ETFA: variants seen among roughly 807,000 people sequenced by gnomAD.
ETFA encodes the protein electron transfer flavoprotein subunit alpha, mitochondrial.
In ETFA, 22 loss-of-function variants were observed where a neutral mutation model predicts 46.2. The observed-to-expected ratio is 0.48, with a 90% CI of 0.34 to 0.68. The LOEUF (loss-of-function observed/expected upper bound fraction) is 0.68, where lower values mean the gene tolerates loss of function less well. Among genes scored for constraint, ETFA ranks in the 30% least tolerant of loss-of-function variants. The pLI is 0.01. For synonymous variants in ETFA, 131 were observed against 139.9 expected (o/e 0.94, Z 0.45); for missense variants, 345 against 401.1 (o/e 0.86, Z 1.19).
At chr15:76,234,549 G>C (rs538370915) in intron 9 of ETFA, among the ~76,000 whole-genome samples, 1 of 152,262 alleles carries the variant, frequency 6.6e-6, no homozygotes. Flanking sequence ...AGCAATTAAG[G>C]GTTATACAAG....
intron 4 of ETFA, among the ~76,000 whole-genome samples, chr15:76,288,638 G>T (rs771422463): frequency 6.6e-6 from 1 of 151,714 alleles, no homozygotes; most frequent in African/African-American, 2.4e-5. Context: ...CTTGAACCTG[G>T]GAGGCGGAGG....
At chr15:76,235,283 T>C (rs1234610038) in intron 9 of ETFA, among the ~76,000 whole-genome samples, 1 of 152,158 alleles carries the variant, frequency 6.6e-6, no homozygotes, top group South Asian at 2.1e-4. Flanking sequence ...CCAGGTGGGC[T>C]CCTGAGGTAG....
In ETFA at chr15:76,283,775, C is replaced by T. The variant is rs201417241; in HGVS notation, c.715G>A (p.Asp239Asn). The stretch of plus-strand genomic sequence containing the variant: ...ACTTTACCTGCAGCATGTAGTTGAT[C>T]TGCCAAGTCATATAACAACTTAAAG... ...ENFKLLYDLA[D>N]QLHAAVGASR... is the part of the protein sequence containing the mutation. The change falls in exon 8 of 12, where the codon GAT (aspartate) becomes AAT (asparagine). Residue 239 changes from aspartate (D) to asparagine (N), a missense_variant. By Grantham distance (23) the Asp-to-Asn change is conservative. Coordinates refer to ENST00000557943, the MANE Select transcript of ETFA (RefSeq NM_000126.4). 7.5e-6 allele frequency: 12 copies of T among 1,608,618 alleles called. No homozygotes were observed. The South Asian group carries it at 1.1e-4, about 15-fold the overall frequency.
chr15:76,235,625 C>A (rs189932445), intron 9 of ETFA, among the ~76,000 whole-genome samples: 5 of 152,256 alleles, frequency 3.3e-5, no homozygotes, highest in East Asian at 3.9e-4. Flanking sequence ...ATGACTAATT[C>A]TCTGTGCCCT....
intron 9 of ETFA, among the ~76,000 whole-genome samples, chr15:76,233,097 T>C (rs1469752037): frequency 1.3e-5 from 2 of 152,128 alleles, no homozygotes; most frequent in South Asian, 2.1e-4. Context: ...AATAAGACTG[T>C]GTCTTAGGGT....
intron 9 of ETFA, chr15:76,259,256 G>T: frequency 6.4e-7 from 1 of 1,562,508 alleles, no homozygotes; most frequent in Non-Finnish European, 8.8e-7. Flanking sequence ...TGTATAAGGG[G>T]TCCTGGCTGG....
At position 76,217,305 on chromosome 15, in the gene ETFA, A is replaced by G. The variant is rs192833842; in HGVS notation, c.964-708T>C. On this transcript the variant is annotated intron_variant, in intron 11 of 11. Coordinates refer to ENST00000557943, the MANE Select transcript of ETFA (RefSeq NM_000126.4). ...CACACCAAAGTCTCTAGCTTACTGC[A>G]ATTATGACTCCTGCCAACCTCCTTT... Among the ~76,000 whole-genome samples the G allele has an allele frequency of 2.0e-5, 3 of 152,312 alleles. No individual in the cohort carries two copies. The East Asian group carries it at 5.8e-4, about 29-fold the overall frequency.
intron 1 of ETFA, among the ~76,000 whole-genome samples, chr15:76,304,820 A>G (rs897922370): frequency 1.3e-5 from 2 of 152,094 alleles, no homozygotes; most frequent in African/African-American, 2.4e-5. Context: ...CGAGGCGGGC[A>G]GATCACAAGG....
intron 9 of ETFA, 171 bp downstream of exon 9, chr15:76,274,241 T>C: frequency 3.2e-6 from 2 of 626,654 alleles, no homozygotes; most frequent in Non-Finnish European, 5.8e-6. Flanking sequence ...CTGGGCATTT[T>C]ACTAGGATCA....
At chr15:76,223,774 G>A (rs1242851196) in intron 11 of ETFA, among the ~76,000 whole-genome samples, 3 of 152,160 alleles carry the variant, frequency 2.0e-5, no homozygotes, top group African/African-American at 7.2e-5. Context: ...CACATGCATA[G>A]TCTCATGCCA....
At chr15:76,249,374 C>CAA (rs2039273975) in intron 9 of ETFA, among the ~76,000 whole-genome samples, 1 of 151,748 alleles carries the variant, frequency 6.6e-6, no homozygotes, top group Admixed American at 6.6e-5. Context: ...GTGATCCTTG[C>CAA]ACCTCGGCCT....
intron 4 of ETFA, among the ~76,000 whole-genome samples, chr15:76,291,511 G>A (rs1315468104): frequency 1.3e-4 from 19 of 151,368 alleles, no homozygotes; most frequent in South Asian, 2.1e-4. Flanking sequence ...AGTACTTTGG[G>A]GGGCCGAGGC....
At chr15:76,301,107 TA>T (rs141908528) in intron 1 of ETFA, among the ~76,000 whole-genome samples, 1 of 152,328 alleles carries the variant, frequency 6.6e-6, no homozygotes, top group African/African-American at 2.4e-5. Context: ...TTGTGAGGGT[TA>T]AATTAATAAA....
chr15:76,225,360 C>A (rs1057501619), intron 11 of ETFA, among the ~76,000 whole-genome samples: 1 of 152,172 alleles, frequency 6.6e-6, no homozygotes, highest in African/African-American at 2.4e-5. Flanking sequence ...ACGATCTCTG[C>A]TCACTGCAAG....
chr15:76,267,882 T>G (rs1157431912), intron 9 of ETFA, among the ~76,000 whole-genome samples: 3 of 152,240 alleles, frequency 2.0e-5, no homozygotes, highest in African/African-American at 7.2e-5. Flanking sequence ...GAAGACGATT[T>G]GCTTGTGTCT....
At chr15:76,250,498 A>C (rs893816130) in intron 9 of ETFA, among the ~76,000 whole-genome samples, 4 of 152,124 alleles carry the variant, frequency 2.6e-5, no homozygotes, top group African/African-American at 9.7e-5. Context: ...TAAAGTAAAA[A>C]TGAAATGTCT....
intron 9 of ETFA, among the ~76,000 whole-genome samples, chr15:76,271,348 T>C (rs1419232487): frequency 6.6e-6 from 1 of 152,166 alleles, no homozygotes; most frequent in African/African-American, 2.4e-5. Context: ...CAAATGAAAT[T>C]GTATACCATC....
intron 9 of ETFA, chr15:76,259,602 G>C: frequency 2.1e-6 from 2 of 973,088 alleles, no homozygotes; most frequent in South Asian, 1.3e-5. Context: ...CAGGTTGTCA[G>C]CCAGGCTCTC....
At chr15:76,240,035 C>T (rs1037815875) in intron 9 of ETFA, among the ~76,000 whole-genome samples, 5 of 152,110 alleles carry the variant, frequency 3.3e-5, no homozygotes, top group African/African-American at 9.7e-5. Context: ...GGCAAGGCTC[C>T]GAAATTATTT....
Sources: gnomAD v4.1 joint callset for allele counts (sites outside exome capture counted in the v4.1 genomes callset) on GRCh38, gnomAD v4.1.1 for gene constraint, MANE v1.5 for transcripts, NCBI Gene and HGNC (gene_info 2026-07-23, HGNC 2026-07-21) for gene names.